MYO5B: variants seen among roughly 807,000 people sequenced by gnomAD.
MYO5B encodes unconventional myosin-Vb.
A neutral mutation model predicts 229.3 loss-of-function variants in MYO5B; 143 were observed. The ratio of observed to expected loss-of-function variants is 0.62; its 90% confidence interval spans 0.54 to 0.72. The LOEUF (loss-of-function observed/expected upper bound fraction) is 0.72. Among genes scored for constraint, MYO5B ranks in the 30% least tolerant of loss-of-function variants. The pLI, the probability that MYO5B is intolerant of heterozygous loss-of-function variation, is 0.00. For synonymous variants in MYO5B, 918 were observed against 885.2 expected, an observed-to-expected ratio of 1.04 and a Z score of -0.66; for missense variants, 2,321 against 2,331.0, an observed-to-expected ratio of 1.00 and a Z score of 0.09.
At chr18:49,872,009 A>G (rs1200740180) in intron 27 of MYO5B, among the ~76,000 whole-genome samples, 158 bp downstream of exon 27, 1 of 152,142 alleles carries the variant, frequency 6.6e-6, no homozygotes, top group Non-Finnish European at 1.5e-5. Context: ...CTTCATTCCA[A>G]AGGTTAAGAA....
chr18:50,033,903 T>C (rs1441720249), intron 4 of MYO5B, among the ~76,000 whole-genome samples: 1 of 141,184 alleles, frequency 7.1e-6, no homozygotes, highest in Non-Finnish European at 1.5e-5. Flanking sequence ...AGTTCTCTCC[T>C]GGAACTCTTG....
At chr18:50,020,524 T>C (rs1440431139) in intron 4 of MYO5B, among the ~76,000 whole-genome samples, 1 of 152,182 alleles carries the variant, frequency 6.6e-6, no homozygotes, top group African/African-American at 2.4e-5. Context: ...CCTCCCATTC[T>C]CCCAGCTTCA....
intron 1 of MYO5B, among the ~76,000 whole-genome samples, chr18:50,100,077 C>T (rs1265998648): frequency 6.6e-6 from 1 of 152,212 alleles, no homozygotes; most frequent in East Asian, 1.9e-4. Flanking sequence ...ATTTCAGCAA[C>T]AACCTGGCTA....
At chr18:50,042,101 A>T (rs762944748) in intron 2 of MYO5B, among the ~76,000 whole-genome samples, 117 of 152,338 alleles carry the variant, frequency 7.7e-4, no homozygotes, top group Non-Finnish European at 1.5e-3. Context: ...CAGTTACACC[A>T]CTTGTGGGGA....
At chr18:50,138,074 CCT>C (rs762303768) in intron 1 of MYO5B, among the ~76,000 whole-genome samples, 43 of 152,064 alleles carry the variant, frequency 2.8e-4, no homozygotes, top group Non-Finnish European at 3.2e-4. Flanking sequence ...ACAATAAACC[CCT>C]GTGACACAAG....
At chr18:50,145,497 C>CAAAAAAAAAAAAAAAAAA (rs369507800) in intron 1 of MYO5B, among the ~76,000 whole-genome samples, 3 of 70,010 alleles carry the variant, frequency 4.3e-5, no homozygotes, top group African/African-American at 1.7e-4. Flanking sequence ...GACTCCATCT[C>CAAAAAAAAAAAAAAAAAA]AAAAAAAAAA....
At chr18:49,907,508 G>A (rs987322458) in intron 18 of MYO5B, among the ~76,000 whole-genome samples, 2 of 152,194 alleles carry the variant, frequency 1.3e-5, no homozygotes, top group Admixed American at 6.5e-5. Flanking sequence ...CACTGGGAGA[G>A]TAACCCATGA....
At chr18:50,017,483 G>A (rs11660336) in intron 4 of MYO5B, among the ~76,000 whole-genome samples, 134,650 of 152,254 alleles carry the variant, frequency 0.88, 61,863 homozygotes, top group East Asian at 1. Context: ...TACTTCATTC[G>A]TTTTTATAGC....
Position 49,949,150 on chromosome 18 carries a change from C to A in MYO5B, c.1752+4110G>T, listed in dbSNP as rs1260690671. On this transcript the variant is annotated intron_variant, in intron 14 of 39. Coordinates refer to ENST00000285039, the MANE Select transcript of MYO5B (RefSeq NM_001080467.3). Reference sequence around the variant, plus strand: ...TAGCCCAGAAATACTGCCCAGTACACCCTCACTGCCCAGCACATGCTGGCA... The same window carrying A: ...TAGCCCAGAAATACTGCCCAGTACAACCTCACTGCCCAGCACATGCTGGCA... Among the ~76,000 whole-genome samples the A allele has an allele frequency of 2.6e-5, 4 of 152,300 alleles. No homozygotes were observed. In the East Asian group the frequency reaches 7.7e-4, roughly 29 times the overall value.
chr18:50,152,006 A>T (rs927579131), intron 1 of MYO5B, among the ~76,000 whole-genome samples: 9 of 152,234 alleles, frequency 5.9e-5, no homozygotes, highest in Non-Finnish European at 1.2e-4. Flanking sequence ...CTTTGATCCA[A>T]GATGGCTGGG....
chr18:49,954,237 C>T lies in MYO5B; in HGVS notation c.1668+76G>A, dbSNP rs551519099. 156 of 1,593,160 alleles carry T rather than the reference C, an allele frequency of 9.8e-5. 1 individual carries two copies. In the African/African-American group the frequency reaches 1.9e-3, roughly 20 times the overall value. ...TTGAATTCAGAAGGGACAGATTTCT[C>T]TCTAGGTCTAGAGCCCATTGAGTCT... On this transcript the variant is annotated intron_variant, in intron 13 of 39. Transcript: ENST00000285039.
chr18:50,165,019 T>C (rs796849833), intron 1 of MYO5B, among the ~76,000 whole-genome samples: 17 of 152,344 alleles, frequency 1.1e-4, no homozygotes, highest in African/African-American at 3.6e-4. Flanking sequence ...CTGGCAGGGC[T>C]TTGGAGCATC....
intron 1 of MYO5B, among the ~76,000 whole-genome samples, chr18:50,160,136 G>T (rs2032743520): frequency 6.6e-6 from 1 of 152,258 alleles, no homozygotes; most frequent in South Asian, 2.1e-4. Context: ...CACCAAGCAA[G>T]AATATCCACC....
chr18:50,101,657 T>C (rs1025597658), intron 1 of MYO5B, among the ~76,000 whole-genome samples: 1 of 152,128 alleles, frequency 6.6e-6, no homozygotes, highest in African/African-American at 2.4e-5. Context: ...ACATCACGGA[T>C]TAGCGAAATG....
rs57494262 is a variant in MYO5B, at chr18:49,980,139, A to G, written c.1056+305T>C. Among the ~76,000 whole-genome samples the G allele has an allele frequency of 0.049, 7,479 of 152,262 alleles. 209 individuals carry two copies. Among genetic ancestry groups the G allele is most frequent in the Non-Finnish European group, 0.064 (4,370 of 67,994 alleles). ...GTGGGGACCTCAGTCTGGCACTCAGAAAGTACTCAATTGATTGACAACAAG... is the reference window on the plus strand; with the variant it reads ...GTGGGGACCTCAGTCTGGCACTCAGGAAGTACTCAATTGATTGACAACAAG... On this transcript the variant is annotated intron_variant, in intron 9 of 39. Coordinates refer to ENST00000285039, the MANE Select transcript of MYO5B (RefSeq NM_001080467.3).
chr18:49,964,651 A>G (rs529842033), intron 10 of MYO5B, among the ~76,000 whole-genome samples: 1 of 152,328 alleles, frequency 6.6e-6, no homozygotes, highest in East Asian at 1.9e-4. Flanking sequence ...ATTTTAACTT[A>G]TCATTACTAC....
intron 17 of MYO5B, among the ~76,000 whole-genome samples, chr18:49,915,157 A>C (rs1159820050): frequency 1.3e-5 from 2 of 152,176 alleles, no homozygotes; most frequent in African/African-American, 2.4e-5. Flanking sequence ...TCCTCTATGT[A>C]AAATGGCTCC....
intron 16 of MYO5B, among the ~76,000 whole-genome samples, chr18:49,930,163 A>G (rs1484735834): frequency 6.6e-6 from 1 of 152,176 alleles, no homozygotes; most frequent in African/African-American, 2.4e-5. Flanking sequence ...AAACAGCAGT[A>G]CCTATTTTAT....
chr18:50,112,727 C>T (rs139702750), intron 1 of MYO5B, among the ~76,000 whole-genome samples: 107 of 152,320 alleles, frequency 7.0e-4, no homozygotes, highest in African/African-American at 2.4e-3. Context: ...AGCTCAGTAA[C>T]TGATGAATTA....
Sources: gnomAD v4.1 joint callset for allele counts (sites outside exome capture counted in the v4.1 genomes callset) on GRCh38, gnomAD v4.1.1 for gene constraint, MANE v1.5 for transcripts, NCBI Gene and HGNC (gene_info 2026-07-23, HGNC 2026-07-21) for gene names.